The following BMPR1B variants were observed in gnomAD, a reference collection of about 807,000 sequenced individuals.
The protein encoded by BMPR1B is bone morphogenetic protein receptor type 1B, also known as bone morphogenetic protein receptor type-1B.
Under a neutral mutation model 59.1 loss-of-function variants are expected in BMPR1B, and 12 were observed. The ratio of observed to expected loss-of-function variants is 0.20; its 90% CI spans 0.13 to 0.33. The LOEUF (loss-of-function observed/expected upper bound fraction) is 0.33, where lower values mean the gene tolerates loss of function less well. BMPR1B is among the 10% of genes least tolerant of loss of function. BMPR1B has a pLI of 1.00. For synonymous variants in BMPR1B, 237 were observed against 207.3 expected (o/e 1.14, Z -1.23); for missense variants, 550 against 610.9 (o/e 0.90, Z 1.05).
intron 1 of BMPR1B, among the ~76,000 whole-genome samples, chr4:94,869,235 G>A (rs56722132): frequency 0.038 from 5,765 of 152,040 alleles, 355 homozygotes; most frequent in African/African-American, 0.13. Flanking sequence ...CAAAACTTCC[G>A]TGAGGTTTTT....
chr4:95,071,648 GTGTGTATA>G (rs36217960), intron 3 of BMPR1B, among the ~76,000 whole-genome samples: 19,535 of 104,280 alleles, frequency 0.19, 1,801 homozygotes, highest in Non-Finnish European at 0.25. Context: ...GTGTGTGTGT[GTGTGTATA>G]TATATATATA....
intron 10 of BMPR1B, among the ~76,000 whole-genome samples, chr4:95,136,550 T>C (rs532091501): frequency 6.6e-6 from 1 of 152,306 alleles, no homozygotes; most frequent in East Asian, 1.9e-4. Context: ...TAGACTTTTT[T>C]TCGTTGGTAG....
At chr4:94,804,039 C>CGGCTA in intron 1 of BMPR1B, among the ~76,000 whole-genome samples, 1 of 152,000 alleles carries the variant, frequency 6.6e-6, no homozygotes, top group South Asian at 2.1e-4. Flanking sequence ...CCACCACGCC[C>CGGCTA]GGCTAATTTT....
intron 3 of BMPR1B, among the ~76,000 whole-genome samples, chr4:95,009,252 A>G (rs183069783): frequency 5.2e-3 from 785 of 152,336 alleles, no homozygotes; most frequent in Middle Eastern, 0.017. Flanking sequence ...TTCCGCAGCA[A>G]TTCTACCCCT....
intron 2 of BMPR1B, among the ~76,000 whole-genome samples, chr4:94,964,590 C>T (rs527936561): frequency 6.6e-6 from 1 of 152,254 alleles, no homozygotes; most frequent in South Asian, 2.1e-4. Context: ...TCAAATAAAT[C>T]TCATCAGAAG....
chr4:94,885,117 C>T (rs1431563919), intron 2 of BMPR1B, among the ~76,000 whole-genome samples: 1 of 152,182 alleles, frequency 6.6e-6, no homozygotes, highest in Non-Finnish European at 1.5e-5. Flanking sequence ...GCAGAGCCAC[C>T]TACCTAACTT....
At chr4:95,049,574 C>G (rs1373254886) in intron 3 of BMPR1B, among the ~76,000 whole-genome samples, 1 of 151,100 alleles carries the variant, frequency 6.6e-6, no homozygotes, top group East Asian at 2.0e-4. Context: ...TAGGAGCTGT[C>G]TGTTCCAGTA....
At chr4:95,007,435 T>C (rs1295888122) in intron 3 of BMPR1B, among the ~76,000 whole-genome samples, 1 of 152,188 alleles carries the variant, frequency 6.6e-6, no homozygotes, top group Admixed American at 6.5e-5. Flanking sequence ...CAAAACAAAT[T>C]CTATTTTTAA....
intron 2 of BMPR1B, among the ~76,000 whole-genome samples, chr4:94,907,299 C>T (rs891818579): frequency 2.0e-4 from 30 of 152,020 alleles, no homozygotes; most frequent in Admixed American, 1.4e-3. Flanking sequence ...GAGAGAAAGG[C>T]ATCTTTTTGT....
chr4:95,074,719 G>T lies in BMPR1B; in HGVS notation c.-17-29689G>T, dbSNP rs149433676. Among the ~76,000 whole-genome samples, 1,016 of 152,136 alleles carry T rather than the reference G, an allele frequency of 6.7e-3. 11 individuals carry two copies. The highest frequency in any genetic ancestry group is 0.024 in the African/African-American group (980 of 41,500). ...AAATTGCTAAAGTAAACAAAGTACT[G>T]TGAAGCTAGAGTAGTTATGCTGTTT... is the stretch of plus-strand genomic sequence containing the variant. On this transcript the variant is annotated intron_variant, in intron 3 of 12. Transcript: ENST00000515059.
intron 1 of BMPR1B, among the ~76,000 whole-genome samples, chr4:94,769,480 C>T (rs1439485612): frequency 6.6e-6 from 1 of 152,108 alleles, no homozygotes; most frequent in African/African-American, 2.4e-5. Context: ...CGTGGTGGCA[C>T]ATGCCTGTAA....
chr4:94,927,174 T>C (rs1051024272), intron 2 of BMPR1B, among the ~76,000 whole-genome samples: 4 of 152,156 alleles, frequency 2.6e-5, no homozygotes, highest in East Asian at 1.9e-4. Flanking sequence ...TGCGAGTCAC[T>C]GATGAATTGA....
At chr4:94,758,557 G>A (rs1721622469) in intron 1 of BMPR1B, among the ~76,000 whole-genome samples, 1 of 152,068 alleles carries the variant, frequency 6.6e-6, no homozygotes, top group Non-Finnish European at 1.5e-5. Flanking sequence ...GCCCAGGCGG[G>A]ACCCGCAGGC....
At chr4:94,934,737 C>T (rs546626895) in intron 2 of BMPR1B, among the ~76,000 whole-genome samples, 10 of 152,082 alleles carry the variant, frequency 6.6e-5, no homozygotes, top group South Asian at 2.1e-4. Flanking sequence ...GTTTTTTCCC[C>T]CTGCAAAATA....
At chr4:94,870,054 G>A (rs955652418) in intron 1 of BMPR1B, among the ~76,000 whole-genome samples, 4 of 152,128 alleles carry the variant, frequency 2.6e-5, no homozygotes, top group Non-Finnish European at 5.9e-5. Flanking sequence ...TGCAAAGAAA[G>A]GTTTTAAGGA....
chr4:95,111,988 T>C (rs1266810912), intron 4 of BMPR1B, among the ~76,000 whole-genome samples: 3 of 152,068 alleles, frequency 2.0e-5, no homozygotes, highest in Non-Finnish European at 4.4e-5. Flanking sequence ...GAGTTAACAT[T>C]ATGTCAGAAG....
intron 3 of BMPR1B, among the ~76,000 whole-genome samples, chr4:95,022,745 A>G (rs913984294): frequency 2.0e-5 from 3 of 152,142 alleles, no homozygotes; most frequent in East Asian, 3.9e-4. Flanking sequence ...TAAAAAGACT[A>G]TGGGAATTGA....
intron 1 of BMPR1B, among the ~76,000 whole-genome samples, chr4:94,827,141 CCT>C (rs1355972034): frequency 6.6e-6 from 1 of 152,000 alleles, no homozygotes; most frequent in African/African-American, 2.4e-5. Flanking sequence ...TCCTCATCCC[CCT>C]CTGTGTCTCT....
chr4:95,003,582 A>G (rs1384784426), intron 3 of BMPR1B, among the ~76,000 whole-genome samples: 5 of 152,134 alleles, frequency 3.3e-5, no homozygotes, highest in Non-Finnish European at 7.3e-5. Context: ...GAAATGATGC[A>G]TGAATAACCA....
Sources: allele counts gnomAD v4.1 joint callset (sites outside exome capture counted in the v4.1 genomes callset), GRCh38; gene constraint gnomAD v4.1.1; transcripts MANE v1.5; gene names NCBI Gene and HGNC (gene_info 2026-07-23, HGNC 2026-07-21).